ABCA2: variants seen among roughly 807,000 people sequenced by gnomAD.
ABCA2 encodes the protein ATP binding cassette subfamily A member 2, also known as ATP-binding cassette sub-family A member 2.
Under a neutral mutation model 262.8 loss-of-function variants are expected in ABCA2, and 84 were observed. The observed-to-expected ratio is 0.32, with a 90% CI of 0.27 to 0.38. The LOEUF (loss-of-function observed/expected upper bound fraction) is 0.38, where lower values mean the gene tolerates loss of function less well. Ranked by LOEUF, ABCA2 falls within the 10% of genes least tolerant of loss-of-function variation. The pLI, the probability that ABCA2 is intolerant of heterozygous loss-of-function variation, is 1.00. For missense variants in ABCA2, 2,662 were observed against 3,405.9 expected, an observed-to-expected ratio of 0.78 and a Z score of 5.44; for synonymous variants, 1,696 against 1,502.9, an observed-to-expected ratio of 1.13 and a Z score of -2.97.
At chr9:137,028,543 C>G (rs1831744765), upstream of ABCA2, among the ~76,000 whole-genome samples, 1 of 152,000 alleles carries the variant, frequency 6.6e-6, no homozygotes, top group African/African-American at 2.4e-5. The surrounding 1 kb of genome is among the most constrained non-coding windows in gnomAD (Gnocchi z 6.9). Flanking sequence ...GCGCTGCGCT[C>G]TTCTCCCAGA....
In ABCA2 at chr9:137,008,588, T is replaced by C. The variant is rs1380404296; in HGVS notation, c.7103A>G (p.Asn2368Ser). 1 of 1,609,788 alleles carries C rather than the reference T, an allele frequency of 6.2e-7. No homozygotes were observed. The highest frequency in any genetic ancestry group is 1.3e-5 in the African/African-American group (1 of 74,804). ...FVNFAKKQSD[N>S]LEQQETEPPS... ...CGGCTCCGTCTCCTGCTGCTCCAGG[T>C]TGTCACTCTGCTTCTTGGCAAAGTT... Residue 2368 changes from asparagine (N) to serine (S), a missense_variant, in exon 48 of 49, where the codon AAC (asparagine) becomes AGC (serine). This residue lies in a region of ABCA2 where 212 missense variants were observed against 214.4 expected (regional missense o/e 0.99). Coordinates refer to ENST00000341511, the MANE Select transcript of ABCA2 (RefSeq NM_001606.5).
In ABCA2 at chr9:137,019,197, T is replaced by C; in HGVS notation, c.1535A>G (p.His512Arg). The C allele has an allele frequency of 1.2e-6, 2 of 1,612,370 alleles. No homozygotes were observed. Among genetic ancestry groups the C allele is most frequent in the South Asian group, 1.1e-5 (1 of 91,058 alleles). ...SFLEQGRLQQ[H>R]LRWLQQYVAE... ...TGGCACCTGCTGCAGCCAGCGCAGG[T>C]GTTGCTGCAGCCTGCCCTGCTCCAG... The change falls in exon 11 of 49, where the codon CAC (histidine) becomes CGC (arginine). Residue 512 changes from histidine to arginine, a missense_variant. His to Arg is a conservative substitution (Grantham distance 29). Coordinates refer to ENST00000341511, the MANE Select transcript of ABCA2 (RefSeq NM_001606.5). The surrounding 1 kb of genome is among the most constrained non-coding windows in gnomAD (Gnocchi z 4.4).
At chr9:137,027,152 C>G (rs1456417852) in intron 1 of ABCA2, among the ~76,000 whole-genome samples, 10 of 152,364 alleles carry the variant, frequency 6.6e-5, no homozygotes, top group Non-Finnish European at 7.4e-5. Flanking sequence ...CTGGACAATC[C>G]CAAGGGCCTT....
In ABCA2 at chr9:137,012,584, C is replaced by T. The variant is rs1460046049; in HGVS notation, c.5088G>A (p.Gly1696=). The change falls in exon 32 of 49, where the codon GGG becomes GGA. Residue 1696 remains glycine, a synonymous_variant. Transcript: ENST00000341511. ...TSDRFRLHRY[G]AITFGNVLKS... is the part of the protein sequence containing the mutation. ...TCAGGACGTTTCCAAAGGTGATGGC[C>T]CCATACCTGGGCAGGCAGGTGGGAG... 3 of 1,611,698 alleles carry T rather than the reference C, an allele frequency of 1.9e-6. No individual in the cohort carries two copies. Among genetic ancestry groups the T allele is most frequent in the South Asian group, 1.1e-5 (1 of 91,076 alleles).
Position 137,011,937 on chromosome 9 carries a change from G to C in ABCA2, c.5442C>G (p.Leu1814=). Residue 1814 remains leucine, a synonymous_variant, in exon 35 of 49, where the codon CTC becomes CTG. Coordinates refer to ENST00000341511, the MANE Select transcript of ABCA2 (RefSeq NM_001606.5). The surrounding 1 kb of genome is among the most constrained non-coding windows in gnomAD (Gnocchi z 8.8). The stretch of plus-strand genomic sequence containing the variant: ...TGGCCTTGGTGGACTTCTCGGCCAC[G>C]AGGAAGACAACGAAGCTGGCCGGCA... ...SFVPASFVVF[L]VAEKSTKAKH... The C allele has an allele frequency of 3.1e-6, 5 of 1,612,700 alleles. No homozygotes were observed. Among genetic ancestry groups the C allele is most frequent in the Non-Finnish European group, 2.5e-6 (3 of 1,179,934 alleles).
chr9:137,017,924 CG>C lies in ABCA2; in HGVS notation c.2097-24del, dbSNP rs761341816. On this transcript the variant is annotated intron_variant, in intron 15 of 48. Coordinates refer to ENST00000341511, the MANE Select transcript of ABCA2 (RefSeq NM_001606.5). ...AAGCTGCGGGGAGGCCGCGCTCAGG[CG>C]CCACTCAGCCCCAGCCCCAGCCCCA... The C allele has an allele frequency of 3.7e-6, 6 of 1,611,938 alleles. No homozygotes were observed. The African/African-American group carries it at 5.3e-5, about 14-fold the overall frequency.
Position 137,020,232 on chromosome 9 carries a change from C to G in ABCA2, c.1425+104G>C, listed in dbSNP as rs536891555. On this transcript the variant is annotated intron_variant, in intron 10 of 48. Transcript: ENST00000341511. ...CCATCCGAAGCTGCACCCCGTACCC[C>G]TCCCGTGTCAATTCTGCCGACACCC... is the stretch of plus-strand genomic sequence containing the variant. 18 of 1,507,678 alleles carry G rather than the reference C, an allele frequency of 1.2e-5. No individual in the cohort carries two copies. The Admixed American group carries it at 2.8e-4, about 23-fold the overall frequency. The allele number at this position is 1,507,678 out of a possible 1,614,324, so 93.4% of individuals were successfully genotyped here. A position where few individuals can be genotyped will look rare whatever the true frequency, so the allele number is the denominator to read the frequency against.
Position 137,009,984 on chromosome 9 carries a change from C to T in ABCA2, c.6494G>A (p.Arg2165Gln), listed in dbSNP as rs542871074. Residue 2165 changes from arginine (R) to glutamine (Q), a missense_variant and splice_region_variant, in exon 42 of 49, where the codon CGG becomes CAG. Transcript: ENST00000341511. ...LRGISWKDEA[R>Q]VVKWALEKLE... Reference sequence around the variant, plus strand: ...CTGCCCCGCCCCACAGATCCTCACCCGGGCCTCGTCCTTCCAGGAGATCCC... The same window carrying T: ...CTGCCCCGCCCCACAGATCCTCACCTGGGCCTCGTCCTTCCAGGAGATCCC... The T allele has an allele frequency of 4.2e-5, 67 of 1,595,996 alleles. No individual in the cohort carries two copies. In the South Asian group the frequency reaches 5.3e-4, roughly 13 times the overall value.
At position 137,017,660 on chromosome 9, in the gene ABCA2, C is replaced by T. The variant is rs775996089; in HGVS notation, c.2244G>A (p.Val748=). Residue 748 remains valine, a synonymous_variant, in exon 17 of 49, where the codon GTG becomes GTA. Coordinates refer to ENST00000341511, the MANE Select transcript of ABCA2 (RefSeq NM_001606.5). ...CGGTGATGAACCAGGCCACCCAGTG[C>T]ACCGCGTTGTTCAGGCCCATGGTCT... ...VMKTMGLNNA[V]HWVAWFITGF... 6.2e-7 allele frequency: 1 copy of T among 1,612,298 alleles called. No homozygotes were observed. Among genetic ancestry groups the T allele is most frequent in the African/African-American group, 1.3e-5 (1 of 74,944 alleles).
Position 137,015,793 on chromosome 9 carries a change from C to T in ABCA2, c.3396G>A (p.Leu1132=), listed in dbSNP as rs772149199. Residue 1132 remains leucine, a synonymous_variant, in exon 23 of 49, where the codon CTG becomes CTA. Coordinates refer to ENST00000341511, the MANE Select transcript of ABCA2 (RefSeq NM_001606.5). ...QTLSGGMKRK[L]SVAIAFVGGS... ...CGCCCACGAAGGCGATGGCCACGGA[C>T]AGCTTGCGCTTCATGCCACCCGACA... is the stretch of plus-strand genomic sequence containing the variant. 1.9e-6 allele frequency: 3 copies of T among 1,612,424 alleles called. No homozygotes were observed. Among genetic ancestry groups the T allele is most frequent in the Non-Finnish European group, 2.5e-6 (3 of 1,179,818 alleles).
At chr9:137,024,302 C>T (rs1393441657) in intron 1 of ABCA2, 66 bp from the exon 2 acceptor site, 46 of 1,409,558 alleles carry the variant, frequency 3.3e-5, no homozygotes, top group Non-Finnish European at 4.3e-5. Flanking sequence ...CCCCAGCCTC[C>T]CATAGGGCTG....
upstream of ABCA2, chr9:137,028,662 T>C (rs954015383): frequency 1.8e-6 from 2 of 1,142,326 alleles, no homozygotes; most frequent in South Asian, 1.9e-5. This position sits in a 1 kb window ranked among gnomAD's most constrained non-coding sequence, Gnocchi z 6.9. Flanking sequence ...CTCACCCCCG[T>C]AAGGGTCTCC....
At position 137,017,349 on chromosome 9, in the gene ABCA2, G is replaced by A. The variant is rs1196095382; in HGVS notation, c.2403-3C>T. The A allele has an allele frequency of 1.9e-6, 3 of 1,612,246 alleles. No individual in the cohort carries two copies. The highest frequency in any genetic ancestry group is 1.7e-5 in the Admixed American group (1 of 59,986). On this transcript the variant is annotated splice_polypyrimidine_tract_variant and splice_region_variant and intron_variant, in intron 17 of 48. Transcript: ENST00000341511. ...AGTACAGCACAGACACCAGGAAGCT[G>A]GGTGGGCAGGGGCCACGCGCACCGT...
At chr9:137,009,332 G>GCCCCCCCCCCCCCCCCCCCCC in intron 45 of ABCA2, 38 bp downstream of exon 45, 1 of 980,410 alleles carries the variant, frequency 1.0e-6, no homozygotes, top group Non-Finnish European at 1.5e-6. Context: ...CCCCCCCCGG[G>GCCCCCCCCCCCCCCCCCCCCC]CCCGCCCCAG....
In ABCA2 at chr9:137,017,983, T is replaced by TGTAGCAGGG; in HGVS notation, c.2077_2085dup (p.Pro693_Tyr695dup). 1 of 1,612,726 alleles carries TGTAGCAGGG rather than the reference T, an allele frequency of 6.2e-7. No homozygotes were observed. Among genetic ancestry groups the TGTAGCAGGG allele is most frequent in the Non-Finnish European group, 8.5e-7 (1 of 1,179,942 alleles). ...GCGCCCAGCACTCACTCATCGCGTG[T>TGTAGCAGGG]GTAGCAGGGGTAGGGGAACATCTGC... is the stretch of plus-strand genomic sequence containing the variant. On this transcript the variant is annotated inframe_insertion, in exon 15 of 49. Coordinates refer to ENST00000341511, the MANE Select transcript of ABCA2 (RefSeq NM_001606.5).
chr9:137,008,450 T>C lies in ABCA2; in HGVS notation c.7241A>G (p.Glu2414Gly). 1 of 1,557,016 alleles carries C rather than the reference T, an allele frequency of 6.4e-7. No individual in the cohort carries two copies. Among genetic ancestry groups the C allele is most frequent in the Middle Eastern group, 1.7e-4 (1 of 6,000 alleles). ...CTCGAAGCTGATGAGGCCCTCGTCC[T>C]CCGTGTCCAGGTCCTCGGGCTCGTC... is the stretch of plus-strand genomic sequence containing the variant. The part of the protein sequence containing the change: ...VADEPEDLDT[E>G]DEGLISFEEE... Residue 2414 changes from glutamate to glycine, a missense_variant, in exon 48 of 49, where the codon GAG becomes GGG. Physicochemically the swap from Glu to Gly is moderately conservative, Grantham distance 98. This residue lies in a region of ABCA2 where 212 missense variants were observed against 214.4 expected (regional missense o/e 0.99). Transcript: ENST00000341511.
rs746245934 is a variant in ABCA2, at chr9:137,012,318, T to C, written c.5246A>G (p.Asn1749Ser). 1 of 1,530,804 alleles carries C rather than the reference T, an allele frequency of 6.5e-7. No individual in the cohort carries two copies. The highest frequency in any genetic ancestry group is 1.1e-5 in the South Asian group (1 of 89,888). The allele number at this position is 1,530,804 out of a possible 1,614,324, so 94.8% of individuals were successfully genotyped here. Reference sequence around the variant, plus strand: ...GGGCAGGTTGGCACGCAGGATGGCGTTGTTGAGGCTGTTGAGGTAGGTGGG... The same window carrying C: ...GGGCAGGTTGGCACGCAGGATGGCGCTGTTGAGGCTGTTGAGGTAGGTGGG... Reference protein sequence around the residue: ...SMPTYLNSLNNAILRANLPKS... With the variant: ...SMPTYLNSLNSAILRANLPKS... The change falls in exon 33 of 49, where the codon AAC becomes AGC. Residue 1749 changes from asparagine (N) to serine (S), a missense_variant. By Grantham distance (46) the Asn-to-Ser change is conservative. Transcript: ENST00000341511.
At chr9:137,020,586 C>A (rs955184349) in intron 9 of ABCA2, 91 bp from the exon 10 acceptor site, 4 of 1,547,272 alleles carry the variant, frequency 2.6e-6, no homozygotes, top group Non-Finnish European at 3.5e-6. Context: ...GACTTCGGGG[C>A]ACAGGGCAGG....
intron 28 of ABCA2, 104 bp downstream of exon 28, chr9:137,013,728 G>T: frequency 1.4e-6 from 2 of 1,397,824 alleles, no homozygotes; most frequent in Non-Finnish European, 2.0e-6. Context: ...CTCAGGTGTG[G>T]GGTGAGGCCC....
Sources: allele counts gnomAD v4.1 joint callset (sites outside exome capture counted in the v4.1 genomes callset), GRCh38; gene constraint gnomAD v4.1.1; regional missense constraint gnomAD v4.1.1; non-coding constraint Gnocchi (gnomAD v3.1); transcripts MANE v1.5; gene names NCBI Gene and HGNC (gene_info 2026-07-23, HGNC 2026-07-21).